PCGF3: variants seen among roughly 807,000 people sequenced by gnomAD.
The protein encoded by PCGF3 is polycomb group RING finger protein 3.
Under a neutral mutation model 33.1 loss-of-function variants are expected in PCGF3, and 7 were observed. The ratio of observed to expected loss-of-function variants is 0.21; its 90% CI spans 0.12 to 0.40. The LOEUF (loss-of-function observed/expected upper bound fraction) is 0.40, where lower values mean the gene tolerates loss of function less well. Among genes scored for constraint, PCGF3 ranks in the 10% least tolerant of loss-of-function variants. PCGF3 has a pLI of 1.00. For missense variants in PCGF3, 211 were observed against 313.3 expected, an observed-to-expected ratio of 0.67 and a Z score of 2.46; for synonymous variants, 153 against 121.3, an observed-to-expected ratio of 1.26 and a Z score of -1.72.
chr4:761,311 A>G (rs1553848418), exon 9 of PCGF3: 1 of 1,602,420 alleles, frequency 6.2e-7, no homozygotes, highest in Non-Finnish European at 8.5e-7. Flanking sequence ...ACAGCAGCAA[A>G]CTGCGCGGGC....
intron 8 of PCGF3, among the ~76,000 whole-genome samples, chr4:758,706 C>CG (rs1250854166): frequency 3.3e-4 from 18 of 53,734 alleles, no homozygotes; most frequent in Non-Finnish European, 4.8e-4. Context: ...GAGTTCTTCT[C>CG]CTTCCGGACT....
In PCGF3 at chr4:721,972, G is replaced by A. The variant is rs1389386519; in HGVS notation, c.-189-8658G>A. ...GTGTGGGGAGAGGCCTGTGGGAGGT[G>A]GATGGGTTGGGTGGCTCTGTGTGTG... On this transcript the variant is annotated intron_variant, in intron 1 of 10. Transcript: ENST00000362003. The surrounding 1 kb of genome is among the most constrained non-coding windows in gnomAD (Gnocchi z 4.1). Among the ~76,000 whole-genome samples, 2 of 151,930 alleles carry A rather than the reference G, an allele frequency of 1.3e-5. No homozygotes were observed. Among genetic ancestry groups the A allele is most frequent in the African/African-American group, 4.8e-5 (2 of 41,316 alleles).
intron 1 of PCGF3, among the ~76,000 whole-genome samples, chr4:723,364 C>A (rs1577403677): frequency 1.3e-5 from 2 of 152,004 alleles, no homozygotes; most frequent in Non-Finnish European, 2.9e-5. Context: ...TGGGTGTGAT[C>A]ATTGAGAGGA....
chr4:748,023 C>G (rs1013774472), intron 8 of PCGF3, among the ~76,000 whole-genome samples: 6 of 152,140 alleles, frequency 3.9e-5, no homozygotes, highest in Admixed American at 2.6e-4. Flanking sequence ...CTCTGTGCTC[C>G]GTGAATGTTA....
intron 9 of PCGF3, chr4:761,667 CTG>C (rs1296937173): frequency 2.0e-6 from 2 of 985,154 alleles, no homozygotes; most frequent in African/African-American, 1.7e-5. Context: ...GATGATGAGA[CTG>C]TTTTAAAATA....
chr4:722,373 AG>A lies in PCGF3; in HGVS notation c.-189-8255del, dbSNP rs1368324412. ...TCCCAGCATCCCGCAGCTAAATGAC[AG>A]GAGCTGGAGGCTGCCCCAGGCAGCG... is the stretch of plus-strand genomic sequence containing the variant. On this transcript the variant is annotated intron_variant, in intron 1 of 10. Transcript: ENST00000362003. 1.2e-4 allele frequency: 23 copies of A among 195,188 alleles called. No individual in the cohort carries two copies. The Admixed American group carries it at 1.2e-3, about 11-fold the overall frequency. 12.1% of individuals were successfully genotyped at this position (195,188 alleles called of 1,614,324 possible). A position where few individuals can be genotyped will look rare whatever the true frequency, so the allele number is the denominator to read the frequency against.
chr4:730,741 T>G (rs1216953884), intron 2 of PCGF3, 73 bp downstream of exon 2: 4 of 325,090 alleles, frequency 1.2e-5, no homozygotes, highest in East Asian at 4.7e-5. Flanking sequence ...GGACCACGCT[T>G]TGTGCATGTG....
chr4:725,099 AGGCGGGCAGATGCG>A (rs1235853943), intron 1 of PCGF3: 3 of 152,494 alleles, frequency 2.0e-5, no homozygotes, highest in Non-Finnish European at 2.9e-5. Flanking sequence ...CGGGTGCAGC[AGGCGGGCAGATGCG>A]GGCACAGGAG....
At position 720,977 on chromosome 4, in the gene PCGF3, A is replaced by G. The variant is rs1261463621; in HGVS notation, c.-189-9653A>G. On this transcript the variant is annotated intron_variant, in intron 1 of 10. Coordinates refer to ENST00000362003, the Ensembl canonical transcript of PCGF3. This position sits in a 1 kb window ranked among gnomAD's most constrained non-coding sequence, Gnocchi z 5.6. ...TCTGGCATGGTCCAGGGAGTGGCCGAGGACAGCAAGGAGGAGATGACCCCA... is the reference window on the plus strand; with the variant it reads ...TCTGGCATGGTCCAGGGAGTGGCCGGGGACAGCAAGGAGGAGATGACCCCA... 6.6e-6 allele frequency among the ~76,000 whole-genome samples: 1 copy of G among 152,114 alleles called. No homozygotes were observed. The highest frequency in any genetic ancestry group is 1.5e-5 in the Non-Finnish European group (1 of 68,010).
intron 6 of PCGF3, among the ~76,000 whole-genome samples, chr4:743,055 G>C (rs1744161946): frequency 6.6e-6 from 1 of 152,244 alleles, no homozygotes. Context: ...TGTCCAGGCA[G>C]TCCACTGGCT....
intron 5 of PCGF3, among the ~76,000 whole-genome samples, chr4:737,263 A>G (rs367589824): frequency 1.4e-4 from 22 of 152,358 alleles, no homozygotes; most frequent in African/African-American, 5.1e-4. Flanking sequence ...TGTTTGAAGC[A>G]GCCAGAGCCC....
At chr4:758,165 CAAAA>C (rs61081270) in intron 8 of PCGF3, among the ~76,000 whole-genome samples, 18 of 54,906 alleles carry the variant, frequency 3.3e-4, no homozygotes, top group African/African-American at 6.9e-4. Flanking sequence ...GACTCTGTCT[CAAAA>C]AAAAAAAAAA....
chr4:712,312 A>G (rs4690293), intron 1 of PCGF3, among the ~76,000 whole-genome samples: 37,647 of 152,212 alleles, frequency 0.25, 5,147 homozygotes, highest in South Asian at 0.36. Flanking sequence ...AGAATTATCC[A>G]CTGAGTTAAG....
intron 10 of PCGF3, 23 bp from the exon 11 acceptor site, chr4:766,009 C>T (rs1394142561): frequency 2.5e-6 from 4 of 1,612,898 alleles, no homozygotes; most frequent in Middle Eastern, 1.7e-4. Context: ...TAAGCAGGCA[C>T]TGTGCGTTCT....
intron 8 of PCGF3, among the ~76,000 whole-genome samples, chr4:755,590 T>C (rs1184120270): frequency 1.3e-5 from 2 of 152,230 alleles, no homozygotes; most frequent in Non-Finnish European, 2.9e-5. Flanking sequence ...CTTAAAAATG[T>C]TTCCCCATTC....
chr4:729,345 G>A (rs1165528822), intron 1 of PCGF3, among the ~76,000 whole-genome samples: 4 of 151,680 alleles, frequency 2.6e-5, no homozygotes, highest in African/African-American at 9.7e-5. Context: ...AGCCCAGGAG[G>A]TCAAGGCTGT....
rs1422737724 is a variant in PCGF3 at position 720,532 on chromosome 4, G to A, written c.-189-10098G>A. 2.0e-5 allele frequency among the ~76,000 whole-genome samples: 3 copies of A among 152,208 alleles called. No homozygotes were observed. Among genetic ancestry groups the A allele is most frequent in the African/African-American group, 7.2e-5 (3 of 41,444 alleles). The stretch of plus-strand genomic sequence containing the variant: ...AGGGAGCCTTGTGCATGGCTGGGAG[G>A]ACGGCAAGGCTGATGTGGACGCAGC... On this transcript the variant is annotated intron_variant, in intron 1 of 10. Coordinates refer to ENST00000362003, the Ensembl canonical transcript of PCGF3. The surrounding 1 kb of genome is among the most constrained non-coding windows in gnomAD (Gnocchi z 5.6).
At chr4:728,374 C>T (rs549716958) in intron 1 of PCGF3, among the ~76,000 whole-genome samples, 1 of 151,184 alleles carries the variant, frequency 6.6e-6, no homozygotes, top group East Asian at 1.9e-4. Context: ...GTGGCGTGCA[C>T]AGCGTGTTAA....
chr4:719,493 G>T (rs1411438319), intron 1 of PCGF3, among the ~76,000 whole-genome samples: 1 of 152,250 alleles, frequency 6.6e-6, no homozygotes, highest in African/African-American at 2.4e-5. Context: ...CTCCCTGGCT[G>T]CTGTGAGCCG....
Sources: gnomAD v4.1 joint callset for allele counts (sites outside exome capture counted in the v4.1 genomes callset) on GRCh38, gnomAD v4.1.1 for gene constraint, Gnocchi (gnomAD v3.1) non-coding constraint, MANE v1.5 for transcripts, NCBI Gene and HGNC (gene_info 2026-07-23, HGNC 2026-07-21) for gene names.